The following AADAT variants were observed in gnomAD, a reference collection of about 807,000 sequenced individuals.
AADAT encodes kynurenine/alpha-aminoadipate aminotransferase, mitochondrial.
In AADAT, 25 loss-of-function variants were observed where a neutral mutation model predicts 56.2. The ratio of observed to expected loss-of-function variants is 0.44; its 90% confidence interval spans 0.32 to 0.62. The LOEUF (loss-of-function observed/expected upper bound fraction) is 0.62. AADAT is among the 20% of genes least tolerant of loss of function. The pLI, the probability that AADAT is intolerant of heterozygous loss-of-function variation, is 0.04. For missense variants in AADAT, 387 were observed against 510.5 expected, an observed-to-expected ratio of 0.76 and a Z score of 2.33; for synonymous variants, 173 against 164.7, an observed-to-expected ratio of 1.05 and a Z score of -0.39.
At chr4:170,072,299 GTATA>G (rs36017064) in intron 5 of AADAT, among the ~76,000 whole-genome samples, 4 of 148,680 alleles carry the variant, frequency 2.7e-5, no homozygotes, top group East Asian at 3.9e-4. Flanking sequence ...ATGTGTGTGT[GTATA>G]TATATATATA....
rs1188444982 is a variant in AADAT, at chr4:170,069,153, G to A, written c.798C>T (p.Ser266=). The A allele has an allele frequency of 6.2e-7, 1 of 1,613,368 alleles. No homozygotes were observed. The highest frequency in any genetic ancestry group is 1.1e-5 in the South Asian group (1 of 90,990). The change falls in exon 7 of 13, where the codon TCC becomes TCT. Residue 266 remains serine (S), a synonymous_variant. Transcript: ENST00000337664. ...IRADSFSKII[S]SGLRIGFLTG... ...TTAGAGACACAGGGCCTTACCCAGAGGAAATGATTTTTGAAAAAGAGTCAG... is the reference window on the plus strand; with the variant it reads ...TTAGAGACACAGGGCCTTACCCAGAAGAAATGATTTTTGAAAAAGAGTCAG...
chr4:170,063,127 A>G (rs1405396941), intron 11 of AADAT, among the ~76,000 whole-genome samples: 2 of 152,212 alleles, frequency 1.3e-5, no homozygotes, highest in Non-Finnish European at 2.9e-5. Context: ...TCAAGGCAGA[A>G]GATGGGTTTC....
chr4:170,064,302 T>G (rs1159272008), intron 11 of AADAT, among the ~76,000 whole-genome samples: 1 of 152,164 alleles, frequency 6.6e-6, no homozygotes, highest in Non-Finnish European at 1.5e-5. Context: ...TCTAAGGGCT[T>G]TACATATATT....
chr4:170,084,969 C>T (rs1732484281), intron 3 of AADAT, among the ~76,000 whole-genome samples: 1 of 152,178 alleles, frequency 6.6e-6, no homozygotes, highest in Non-Finnish European at 1.5e-5. Context: ...GACAGCAAGA[C>T]CAACCCCTCC....
At chr4:170,067,301 A>G (rs2111153476) in intron 9 of AADAT, 26 bp downstream of exon 9, 2 of 1,583,464 alleles carry the variant, frequency 1.3e-6, no homozygotes, top group Non-Finnish European at 1.7e-6. Context: ...TTTTGTTCAT[A>G]AATATTTAAA....
intron 3 of AADAT, among the ~76,000 whole-genome samples, chr4:170,082,662 C>A (rs896574042): frequency 5.3e-5 from 8 of 151,992 alleles, no homozygotes; most frequent in African/African-American, 1.2e-4. Flanking sequence ...AGAAACAAGA[C>A]CCAATCATAT....
upstream of AADAT, among the ~76,000 whole-genome samples, chr4:170,092,708 C>G (rs796613913): frequency 6.6e-6 from 1 of 152,232 alleles, no homozygotes. Context: ...TAACCTTTCT[C>G]TGTATTGGTT....
rs796595675 is a variant in AADAT, at chr4:170,074,236, C to T, written c.445-891G>A. On this transcript the variant is annotated intron_variant, in intron 4 of 12. Coordinates refer to ENST00000337664, the MANE Select transcript of AADAT (RefSeq NM_016228.4). Reference sequence around the variant, plus strand: ...ACTTTCATTTTAGATTCAAGGGGTACGTGTGCAGGTTTGTTACATGGGTAT... The same window carrying T: ...ACTTTCATTTTAGATTCAAGGGGTATGTGTGCAGGTTTGTTACATGGGTAT... Among the ~76,000 whole-genome samples the T allele has an allele frequency of 8.6e-5, 13 of 151,948 alleles. 1 individual carries two copies. Among genetic ancestry groups the T allele is most frequent in the South Asian group, 2.1e-4 (1 of 4,806 alleles).
At chr4:170,062,825 GGAATCTGT>G (rs1731259948) in intron 11 of AADAT, among the ~76,000 whole-genome samples, 1 of 152,168 alleles carries the variant, frequency 6.6e-6, no homozygotes. Flanking sequence ...TAGCCATCTT[GGAATCTGT>G]GTGTTGAAGA....
At chr4:170,087,292 A>G (rs1732609433) in intron 2 of AADAT, 44 bp from the exon 3 acceptor site, 2 of 1,565,726 alleles carry the variant, frequency 1.3e-6, no homozygotes, top group African/African-American at 2.7e-5. Context: ...AGTAAAAATC[A>G]TAGTAACAGT....
chr4:170,067,728 G>A (rs1305873449), intron 8 of AADAT, among the ~76,000 whole-genome samples: 1 of 152,156 alleles, frequency 6.6e-6, no homozygotes, highest in East Asian at 1.9e-4. Flanking sequence ...AATCAGTCAG[G>A]CTATCCAGCT....
At position 170,060,941 on chromosome 4, in the gene AADAT, T is replaced by C; in HGVS notation, c.1265A>G (p.Lys422Arg). ...AGTTTAATTTCTTCATAAAGATTCT[T>C]TTATAAGTTGTGCTAATACCTGGAA... is the stretch of plus-strand genomic sequence containing the variant. ...VAFQVLAQLIKESL is the reference protein window; with the variant it reads ...VAFQVLAQLIRESL Residue 422 changes from lysine to arginine, a missense_variant, in exon 13 of 13, where the codon AAA (lysine) becomes AGA (arginine). Coordinates refer to ENST00000337664, the MANE Select transcript of AADAT (RefSeq NM_016228.4). The C allele has an allele frequency of 6.5e-7, 1 of 1,542,882 alleles. No homozygotes were observed. The highest frequency in any genetic ancestry group is 8.7e-7 in the Non-Finnish European group (1 of 1,143,976).
upstream of AADAT, among the ~76,000 whole-genome samples, chr4:170,093,007 A>AT (rs1479130698): frequency 2.6e-5 from 4 of 152,222 alleles, no homozygotes; most frequent in African/African-American, 9.7e-5. Flanking sequence ...GGAAACATCT[A>AT]AATAAGGTGT....
chr4:170,091,013 C>A (rs1214075007), upstream of AADAT, among the ~76,000 whole-genome samples: 1 of 152,248 alleles, frequency 6.6e-6, no homozygotes, highest in African/African-American at 2.4e-5. Context: ...CCAGTAAAAT[C>A]TTTGTGCTAG....
intron 9 of AADAT, 53 bp from the exon 10 acceptor site, chr4:170,066,531 C>A: frequency 7.6e-7 from 1 of 1,314,652 alleles, no homozygotes; most frequent in South Asian, 1.2e-5. Flanking sequence ...ATTGCAGAAG[C>A]AAAACAGTCT....
At chr4:170,071,251 C>T (rs993341092) in intron 5 of AADAT, among the ~76,000 whole-genome samples, 7 of 152,098 alleles carry the variant, frequency 4.6e-5, no homozygotes, top group African/African-American at 1.2e-4. Flanking sequence ...AGCATTACAA[C>T]AGGTGAGGGA....
chr4:170,088,633 A>T, intron 1 of AADAT, 69 bp from the exon 2 acceptor site: 2 of 1,454,766 alleles, frequency 1.4e-6, no homozygotes, highest in Non-Finnish European at 1.9e-6. Context: ...TTAAGCATGC[A>T]TTATAGTCAA....
chr4:170,069,637 G>A (rs549829316), intron 6 of AADAT, among the ~76,000 whole-genome samples: 1 of 152,246 alleles, frequency 6.6e-6, no homozygotes, highest in South Asian at 2.1e-4. Flanking sequence ...GAGAGAGAAC[G>A]CTGATCCTTA....
At chr4:170,084,782 T>C (rs1212416566) in intron 3 of AADAT, among the ~76,000 whole-genome samples, 1 of 152,234 alleles carries the variant, frequency 6.6e-6, no homozygotes, top group Non-Finnish European at 1.5e-5. Flanking sequence ...CCGAAAAGTT[T>C]CTAATTGACT....
Sources: allele counts gnomAD v4.1 joint callset (sites outside exome capture counted in the v4.1 genomes callset), GRCh38; gene constraint gnomAD v4.1.1; transcripts MANE v1.5; gene names NCBI Gene and HGNC (gene_info 2026-07-23, HGNC 2026-07-21).